Variants in PADI4 observed in about 807,000 individuals in gnomAD.
PADI4 encodes peptidyl arginine deiminase 4.
In PADI4, 62 loss-of-function variants were observed where a neutral mutation model predicts 75.0. The observed-to-expected ratio is 0.83, with a 90% CI of 0.67 to 1.02. PADI4 has a LOEUF of 1.02. Among genes scored for constraint, PADI4 ranks in the 50% least tolerant of loss-of-function variants. The probability of loss-of-function intolerance (pLI) is 0.00; values close to 1 mark genes in which losing one functional copy is unlikely to be tolerated. For missense variants in PADI4, 845 were observed against 850.5 expected (o/e 0.99, Z 0.08); for synonymous variants, 361 against 348.1 (o/e 1.04, Z -0.41).
At chr1:17,328,369 G>A (rs1329973145) in intron 1 of PADI4, among the ~76,000 whole-genome samples, 2 of 152,090 alleles carry the variant, frequency 1.3e-5, no homozygotes, top group Non-Finnish European at 2.9e-5. Flanking sequence ...GTTTAGGCCA[G>A]GCACAGTGGC....
intron 8 of PADI4, among the ~76,000 whole-genome samples, chr1:17,345,066 G>T (rs1341221756): frequency 1.3e-5 from 2 of 152,230 alleles, no homozygotes; most frequent in Admixed American, 1.3e-4. Context: ...CAAAGCCACA[G>T]GGGCAGAGCT....
chr1:17,309,447 T>A (rs1037786149), intron 1 of PADI4, among the ~76,000 whole-genome samples: 21 of 151,872 alleles, frequency 1.4e-4, no homozygotes, highest in African/African-American at 5.1e-4. Context: ...CCCCGCCCCA[T>A]GAAATGCTTA....
At chr1:17,334,768 T>C in intron 3 of PADI4, 1 of 361,558 alleles carries the variant, frequency 2.8e-6, no homozygotes, top group Non-Finnish European at 5.4e-6. Flanking sequence ...TGTAATGTTC[T>C]TCTTTAAATA....
chr1:17,319,870 C>T (rs771244145), intron 1 of PADI4, among the ~76,000 whole-genome samples: 7 of 152,178 alleles, frequency 4.6e-5, no homozygotes, highest in African/African-American at 1.4e-4. Context: ...AAGTAGGTCA[C>T]GGGCTGTTTA....
At chr1:17,308,593 C>T (rs527936495) in intron 1 of PADI4, among the ~76,000 whole-genome samples, 3 of 152,160 alleles carry the variant, frequency 2.0e-5, no homozygotes, top group South Asian at 2.1e-4. Context: ...CTGTCTTCAT[C>T]GAGGCAACAG....
At position 17,338,072 on chromosome 1, in the gene PADI4, C is replaced by A; in HGVS notation, c.443C>A (p.Ala148Asp). The A allele has an allele frequency of 1.9e-6, 3 of 1,613,346 alleles. No homozygotes were observed. Among genetic ancestry groups the A allele is most frequent in the Non-Finnish European group, 2.5e-6 (3 of 1,179,406 alleles). The part of the protein sequence containing the change: ...TWTWGPCGQG[A>D]ILLVNCDRDN... ...ACCTGGGGCCCTTGTGGACAGGGTG[C>A]CATCCTGCTGGTGAACTGTGACAGA... Residue 148 changes from alanine to aspartate, a missense_variant, in exon 5 of 16, where the codon GCC (alanine) becomes GAC (aspartate). Coordinates refer to ENST00000375448, the MANE Select transcript of PADI4 (RefSeq NM_012387.3).
At chr1:17,355,450 G>A (rs1264892964) in intron 11 of PADI4, among the ~76,000 whole-genome samples, 3 of 151,908 alleles carry the variant, frequency 2.0e-5, no homozygotes, top group African/African-American at 7.3e-5. Context: ...TCGGGAGGCC[G>A]AGGCAAGAGA....
At chr1:17,338,964 A>C (rs2074366459) in intron 5 of PADI4, among the ~76,000 whole-genome samples, 2 of 152,192 alleles carry the variant, frequency 1.3e-5, no homozygotes, top group African/African-American at 4.8e-5. Flanking sequence ...GGTAATAATC[A>C]CAACAGCTGT....
At chr1:17,344,303 T>C (rs2074476573) in intron 8 of PADI4, among the ~76,000 whole-genome samples, 1 of 152,178 alleles carries the variant, frequency 6.6e-6, no homozygotes, top group Non-Finnish European at 1.5e-5. Context: ...TTGGGTGCTG[T>C]TAAAGGCATC....
chr1:17,347,601 T>G (rs867892365), intron 9 of PADI4, among the ~76,000 whole-genome samples: 31 of 147,324 alleles, frequency 2.1e-4, no homozygotes, highest in African/African-American at 7.0e-4. Context: ...TCACCCCCCA[T>G]CACCTCCTAA....
intron 11 of PADI4, among the ~76,000 whole-genome samples, chr1:17,355,229 C>A (rs557490791): frequency 2.0e-5 from 3 of 152,136 alleles, no homozygotes; most frequent in African/African-American, 7.2e-5. Context: ...TGAGCTCCTG[C>A]GTGCAAGGCC....
intron 1 of PADI4, among the ~76,000 whole-genome samples, chr1:17,329,822 T>G (rs535992136): frequency 3.3e-5 from 5 of 152,248 alleles, no homozygotes; most frequent in Admixed American, 1.3e-4. Context: ...CCTTTCTGAA[T>G]GCCTTTAAGA....
At chr1:17,359,080 G>T in intron 14 of PADI4, among the ~76,000 whole-genome samples, 172 bp downstream of exon 14, 1 of 152,136 alleles carries the variant, frequency 6.6e-6, no homozygotes, top group East Asian at 1.9e-4. Flanking sequence ...GGAGCAGAGG[G>T]AATGGGAGGC....
At chr1:17,332,180 A>G (rs930036330) in intron 2 of PADI4, among the ~76,000 whole-genome samples, 1 of 152,140 alleles carries the variant, frequency 6.6e-6, no homozygotes, top group East Asian at 1.9e-4. Context: ...TGCCTCTCTC[A>G]TAAGGGTACT....
chr1:17,337,694 G>C (rs944284894), intron 4 of PADI4, among the ~76,000 whole-genome samples: 1 of 152,056 alleles, frequency 6.6e-6, no homozygotes, highest in Non-Finnish European at 1.5e-5. Flanking sequence ...GAGGAGGATG[G>C]ATCATGAGGT....
intron 1 of PADI4, among the ~76,000 whole-genome samples, chr1:17,329,772 T>A (rs1203101147): frequency 6.6e-6 from 1 of 152,214 alleles, no homozygotes; most frequent in African/African-American, 2.4e-5. Context: ...CAAGTCTGCT[T>A]CCAATCGAAT....
At chr1:17,357,352 A>G (rs894197906) in intron 13 of PADI4, among the ~76,000 whole-genome samples, 2 of 151,996 alleles carry the variant, frequency 1.3e-5, no homozygotes, top group African/African-American at 4.8e-5. Flanking sequence ...TATTTTTAGT[A>G]GAGATGGGGT....
intron 15 of PADI4, among the ~76,000 whole-genome samples, chr1:17,362,068 C>A (rs1273004015): frequency 2.0e-5 from 3 of 152,030 alleles, no homozygotes; most frequent in Non-Finnish European, 4.4e-5. Flanking sequence ...GTGTTAAGAG[C>A]ATGGGCAGCA....
intron 10 of PADI4, among the ~76,000 whole-genome samples, chr1:17,351,234 A>T (rs1179611537): frequency 6.6e-6 from 1 of 150,410 alleles, no homozygotes; most frequent in Non-Finnish European, 1.5e-5. Context: ...CTACAGGGAA[A>T]GACAGAGTAG....
Sources: allele counts gnomAD v4.1 joint callset (sites outside exome capture counted in the v4.1 genomes callset), GRCh38; gene constraint gnomAD v4.1.1; transcripts MANE v1.5; gene names NCBI Gene and HGNC (gene_info 2026-07-23, HGNC 2026-07-21).